NLRC5: variants seen among roughly 807,000 people sequenced by gnomAD.
NLRC5 encodes protein NLRC5.
In NLRC5, 114 loss-of-function variants were observed where a neutral mutation model predicts 206.9. The ratio of observed to expected loss-of-function variants is 0.55; its 90% confidence interval spans 0.47 to 0.64. The LOEUF is 0.64. NLRC5 is among the 30% of genes least tolerant of loss of function. NLRC5 has a pLI of 0.00. For synonymous variants in NLRC5, 952 were observed against 962.8 expected (o/e 0.99, Z 0.21); for missense variants, 2,008 against 2,305.5 (o/e 0.87, Z 2.64).
At position 57,061,677 on chromosome 16, in the gene NLRC5, G is replaced by A. The variant is rs1343614714; in HGVS notation, c.4130G>A (p.Arg1377Gln). ...GCCATCCTCCTGAGCTTGGTGGGGC[G>A]ACCCGCAGGGCTGTTCAGCCTCAGG... ...QLAILLSLVG[R>Q]PAGLFSLRVQ... The change falls in exon 32 of 49, where the codon CGA (arginine) becomes CAA (glutamine). Residue 1377 changes from arginine to glutamine, a missense_variant. Physicochemically the swap from Arg to Gln is conservative, Grantham distance 43. Transcript: ENST00000688547. 10 of 1,608,322 alleles carry A rather than the reference G, an allele frequency of 6.2e-6. No individual in the cohort carries two copies. The highest frequency in any genetic ancestry group is 1.1e-5 in the South Asian group (1 of 90,832).
At chr16:57,028,022 C>G in intron 6 of NLRC5, 50 bp from the exon 7 acceptor site, 10 of 1,370,008 alleles carry the variant, frequency 7.3e-6, no homozygotes, top group Non-Finnish European at 1.0e-5. Flanking sequence ...GATGACTTCT[C>G]AGCTCTGCCC....
chr16:57,080,161 A>C (rs1435808216), intron 46 of NLRC5, among the ~76,000 whole-genome samples: 1 of 152,212 alleles, frequency 6.6e-6, no homozygotes, highest in Non-Finnish European at 1.5e-5. Flanking sequence ...TAACCATGGT[A>C]TGGAGGACAA....
intron 11 of NLRC5, among the ~76,000 whole-genome samples, chr16:57,032,754 G>C (rs776236212): frequency 6.7e-6 from 1 of 150,332 alleles, no homozygotes; most frequent in Non-Finnish European, 1.5e-5. Flanking sequence ...CCAGCACTTT[G>C]AGAGGCTGAG....
rs2061212537 is a variant in NLRC5 at position 57,025,705 on chromosome 16, G to A, written c.762G>A (p.Gln254=). 1 of 1,614,220 alleles carries A rather than the reference G, an allele frequency of 6.2e-7. No individual in the cohort carries two copies. The highest frequency in any genetic ancestry group is 1.7e-5 in the Admixed American group (1 of 60,020). The part of the protein sequence containing the change: ...KWAEGHLNCF[Q]ALFLFEFRQL... Reference sequence around the variant, plus strand: ...CAGAGGGCCATCTGAACTGTTTCCAGGCCCTGTTCCTTTTTGAATTCCGCC... The same window carrying A: ...CAGAGGGCCATCTGAACTGTTTCCAAGCCCTGTTCCTTTTTGAATTCCGCC... The change falls in exon 6 of 49, where the codon CAG becomes CAA. Residue 254 remains glutamine, a synonymous_variant. Coordinates refer to ENST00000688547, the MANE Select transcript of NLRC5 (RefSeq NM_001384950.1).
At chr16:57,079,372 G>A in intron 45 of NLRC5, 80 bp downstream of exon 45, 1 of 1,527,412 alleles carries the variant, frequency 6.5e-7, no homozygotes, top group Non-Finnish European at 9.1e-7. Flanking sequence ...TAACACCTGG[G>A]GAGGCCTTTG....
intron 38 of NLRC5, chr16:57,074,386 A>G (rs1358710058): frequency 9.4e-6 from 5 of 529,668 alleles, no homozygotes; most frequent in Non-Finnish European, 1.7e-5. Flanking sequence ...GGTTCAGAAC[A>G]TAGAACTGCT....
chr16:57,059,278 G>T, intron 29 of NLRC5, 189 bp from the exon 30 acceptor site: 1 of 1,463,796 alleles, frequency 6.8e-7, no homozygotes, highest in Non-Finnish European at 9.0e-7. Flanking sequence ...GAGGCCATGG[G>T]GTGGGAAGGC....
chr16:57,059,277 G>A, intron 29 of NLRC5, 190 bp from the exon 30 acceptor site: 1 of 1,463,722 alleles, frequency 6.8e-7, no homozygotes, highest in South Asian at 1.4e-5. Flanking sequence ...GGAGGCCATG[G>A]GGTGGGAAGG....
At chr16:57,005,881 C>T (rs1341232916) in intron 1 of NLRC5, among the ~76,000 whole-genome samples, 1 of 151,728 alleles carries the variant, frequency 6.6e-6, no homozygotes, top group Admixed American at 6.6e-5. Flanking sequence ...GACCACACCA[C>T]TGCACTCCAG....
chr16:57,013,862 G>T, intron 1 of NLRC5: 1 of 650,592 alleles, frequency 1.5e-6, no homozygotes, highest in South Asian at 1.6e-5. Context: ...TTTCAAAAAT[G>T]GCAAGCCACA....
chr16:57,014,856 CT>C (rs2059869645), intron 1 of NLRC5, among the ~76,000 whole-genome samples: 1 of 152,088 alleles, frequency 6.6e-6, no homozygotes, highest in Admixed American at 6.5e-5. Flanking sequence ...CAGACGGCAC[CT>C]TCTCATTGTG....
At position 57,030,044 on chromosome 16, in the gene NLRC5, G is replaced by A. The variant is rs755499346; in HGVS notation, c.2377G>A (p.Val793Met). 1.0e-4 allele frequency: 166 copies of A among 1,614,042 alleles called. No individual in the cohort carries two copies. Among genetic ancestry groups the A allele is most frequent in the Non-Finnish European group, 1.4e-4 (162 of 1,180,042 alleles). The change falls in exon 10 of 49, where the codon GTG (valine) becomes ATG (methionine). Residue 793 changes from valine to methionine, a missense_variant. Val to Met is a conservative substitution (Grantham distance 21, BLOSUM62 1). Coordinates refer to ENST00000688547, the MANE Select transcript of NLRC5 (RefSeq NM_001384950.1). The part of the protein sequence containing the change: ...CVSTLLCLAR[V>M]AVTCPTVRML... ...GTCAACCCTACTCTGCTTGGCAAGGGTGGCAGTCACGTGTCCTACCGTCAG... is the reference window on the plus strand; with the variant it reads ...GTCAACCCTACTCTGCTTGGCAAGGATGGCAGTCACGTGTCCTACCGTCAG...
At chr16:57,068,159 G>A (rs1206198745) in intron 36 of NLRC5, among the ~76,000 whole-genome samples, 1 of 152,176 alleles carries the variant, frequency 6.6e-6, no homozygotes, top group African/African-American at 2.4e-5. Context: ...GCTGGGCGTG[G>A]TGGCTCATGT....
rs76721497 is a variant in NLRC5, at chr16:57,052,204, G to A, written c.3506+583G>A. Among the ~76,000 whole-genome samples, 431 of 152,360 alleles carry A rather than the reference G, an allele frequency of 2.8e-3. 13 individuals are homozygous for A. The East Asian group carries it at 0.061, about 21-fold the overall frequency. On this transcript the variant is annotated intron_variant, in intron 24 of 48. Transcript: ENST00000688547. Reference sequence around the variant, plus strand: ...TAAAAGTATTTAGGCCATGTGTGGTGGCTCATGCCTGTAATCCCGGCACTT... The same window carrying A: ...TAAAAGTATTTAGGCCATGTGTGGTAGCTCATGCCTGTAATCCCGGCACTT...
At chr16:57,047,664 G>C in intron 23 of NLRC5, 36 bp downstream of exon 23, 2 of 1,552,958 alleles carry the variant, frequency 1.3e-6, no homozygotes, top group Non-Finnish European at 1.8e-6. Flanking sequence ...AGGGCACCAT[G>C]TGGGGATCTG....
At chr16:57,030,308 CTGAAAAGATGGATGGGTGGA>C (rs1301842562) in intron 10 of NLRC5, among the ~76,000 whole-genome samples, 1 of 148,752 alleles carries the variant, frequency 6.7e-6, no homozygotes, top group African/African-American at 2.5e-5. Flanking sequence ...GGATGGATGG[CTGAAAAGATGGATGGGTGGA>C]TGAAAAGATG....
At chr16:57,012,915 A>T (rs1036056636) in intron 1 of NLRC5, among the ~76,000 whole-genome samples, 2 of 152,206 alleles carry the variant, frequency 1.3e-5, no homozygotes, top group African/African-American at 4.8e-5. Context: ...GTGAAATGCT[A>T]TGTGGCTGTG....
intron 15 of NLRC5, among the ~76,000 whole-genome samples, 179 bp downstream of exon 15, chr16:57,037,463 T>C (rs1672866): frequency 0.72 from 109,048 of 151,958 alleles, 40,153 homozygotes; most frequent in Non-Finnish European, 0.8. Flanking sequence ...AGGCTGCTCA[T>C]GGTTTATACC....
chr16:57,008,444 T>C (rs529240902), intron 1 of NLRC5, among the ~76,000 whole-genome samples: 9 of 152,350 alleles, frequency 5.9e-5, no homozygotes, highest in South Asian at 4.1e-4. Context: ...TATTTTGATA[T>C]AATTGTGAAA....
Sources: gnomAD v4.1 joint callset for allele counts (sites outside exome capture counted in the v4.1 genomes callset) on GRCh38, gnomAD v4.1.1 for gene constraint, MANE v1.5 for transcripts, NCBI Gene and HGNC (gene_info 2026-07-23, HGNC 2026-07-21) for gene names.